LRP8: variants seen among roughly 807,000 people sequenced by gnomAD.
LRP8 encodes low-density lipoprotein receptor-related protein 8.
A neutral mutation model predicts 111.6 loss-of-function variants in LRP8; 46 were observed. That is an observed-to-expected ratio of 0.41 (90% confidence interval 0.33 to 0.53). The LOEUF (loss-of-function observed/expected upper bound fraction) is 0.53, where lower values mean the gene tolerates loss of function less well. Ranked by LOEUF, LRP8 falls within the 20% of genes least tolerant of loss-of-function variation. LRP8 has a pLI of 0.20. For synonymous variants in LRP8, 464 were observed against 511.2 expected (o/e 0.91, Z 1.24); for missense variants, 959 against 1,297.4 (o/e 0.74, Z 4.01).
rs113759488 is a variant in LRP8, at chr1:53,327,780, T to C, written c.124+9A>G. ...GAGCAGAGCCGAGTCAGAGACCGGC[T>C]GCACGCACCTTGGCCGCCGAGCAGC... On this transcript the variant is annotated intron_variant, in intron 1 of 18. Transcript: ENST00000306052. 0.014 allele frequency: 21,618 copies of C among 1,508,642 alleles called. 648 individuals are homozygous for C. Among genetic ancestry groups the C allele is most frequent in the African/African-American group, 0.1 (7,236 of 70,134 alleles). The allele number at this position is 1,508,642 out of a possible 1,614,324, so 93.5% of individuals were successfully genotyped here. A position where few individuals can be genotyped will look rare whatever the true frequency, so the allele number is the denominator to read the frequency against.
At chr1:53,259,699 A>G (rs368505132) in intron 13 of LRP8, among the ~76,000 whole-genome samples, 61 of 152,118 alleles carry the variant, frequency 4.0e-4, no homozygotes, top group Middle Eastern at 6.8e-3. Flanking sequence ...CTCCTGCCTC[A>G]GCCTCTCAGT....
At chr1:53,263,372 G>A (rs957493961) in intron 10 of LRP8, among the ~76,000 whole-genome samples, 7 of 152,210 alleles carry the variant, frequency 4.6e-5, no homozygotes, top group African/African-American at 1.7e-4. Context: ...GCCCTTGCTC[G>A]AAGAAGAGGG....
intron 14 of LRP8, 27 bp from the exon 15 acceptor site, chr1:53,257,491 CTTGGACAGATAATT>C: frequency 6.3e-7 from 1 of 1,579,282 alleles, no homozygotes; most frequent in Non-Finnish European, 8.7e-7. Flanking sequence ...ATGGAGGTCA[CTTGGACAGATAATT>C]TTGTTGCCTA....
At position 53,264,268 on chromosome 1, in the gene LRP8, T is replaced by C; in HGVS notation, c.1556A>G (p.Lys519Arg). The C allele has an allele frequency of 6.2e-7, 1 of 1,614,208 alleles. No individual in the cohort carries two copies. The highest frequency in any genetic ancestry group is 8.5e-7 in the Non-Finnish European group (1 of 1,180,020). The change falls in exon 10 of 19, where the codon AAG becomes AGG. Residue 519 changes from lysine to arginine, a missense_variant. By Grantham distance (26) the Lys-to-Arg change is conservative. Transcript: ENST00000306052. ...ATCAACTGTGGCCACTGAGATGGTC[T>C]TATTGCCCGAGTCAGTCCAGTAGAT... is the stretch of plus-strand genomic sequence containing the variant. ...KHIYWTDSGN[K>R]TISVATVDGG...
chr1:53,289,406 G>T, intron 3 of LRP8, 161 bp downstream of exon 3: 17 of 1,012,474 alleles, frequency 1.7e-5, no homozygotes, highest in Non-Finnish European at 2.3e-5. Context: ...AAACAGGTCA[G>T]TAGAAACCAG....
intron 18 of LRP8, among the ~76,000 whole-genome samples, chr1:53,247,337 T>C (rs1645758128): frequency 6.6e-6 from 1 of 152,204 alleles, no homozygotes; most frequent in Admixed American, 6.5e-5. Flanking sequence ...TCATTCTGTT[T>C]TGTATCTTTG....
rs113916416 is a variant in LRP8 at position 53,279,055 on chromosome 1, C to T, written c.496+1532G>A. 1.5e-3 allele frequency among the ~76,000 whole-genome samples: 230 copies of T among 151,976 alleles called. 1 individual carries two copies. Among genetic ancestry groups the T allele is most frequent in the African/African-American group, 5.2e-3 (215 of 41,428 alleles). ...ATTACAGGCATGAGCCACCGCGCCC[C>T]GCCTTAATTTTTAATTTTACTTGAA... is the stretch of plus-strand genomic sequence containing the variant. On this transcript the variant is annotated intron_variant, in intron 4 of 18. Transcript: ENST00000306052. The surrounding 1 kb of genome is among the most constrained non-coding windows in gnomAD (Gnocchi z 4.4).
intron 9 of LRP8, among the ~76,000 whole-genome samples, chr1:53,264,814 G>C (rs1295107250): frequency 6.6e-6 from 1 of 152,172 alleles, no homozygotes; most frequent in African/African-American, 2.4e-5. Context: ...AAAGGCTTGT[G>C]CAAATGGCCA....
At position 53,257,252 on chromosome 1, in the gene LRP8, G is replaced by T. The variant is rs1468458936; in HGVS notation, c.2422C>A (p.His808Asn). Reference protein sequence around the residue: ...PSTLSPATSNHSQHYANEDSK... With the variant: ...PSTLSPATSNNSQHYANEDSK... ...CTCATTTCCTTACAGTGCTGGGAGT[G>T]GTTGCTGGTTGCAGGGCTTAGGGTA... The change falls in exon 15 of 19, where the codon CAC (histidine) becomes AAC (asparagine). Residue 808 changes from histidine to asparagine, a missense_variant. By Grantham distance (68) the His-to-Asn change is moderately conservative. Around this residue, in one of 3 missense-constraint regions of LRP8, gnomAD observed 819 missense variants for 1,097.6 expected, o/e 0.75. Coordinates refer to ENST00000306052, the MANE Select transcript of LRP8 (RefSeq NM_004631.5). 1.2e-6 allele frequency: 2 copies of T among 1,613,964 alleles called. No homozygotes were observed. Among genetic ancestry groups the T allele is most frequent in the African/African-American group, 2.7e-5 (2 of 74,908 alleles).
At chr1:53,298,983 G>A (rs140796752) in intron 2 of LRP8, among the ~76,000 whole-genome samples, 262 of 152,244 alleles carry the variant, frequency 1.7e-3, no homozygotes, top group African/African-American at 6.0e-3. Flanking sequence ...CTGGGCTCTC[G>A]GCCCCCACTA....
At chr1:53,299,161 T>C (rs550370698) in intron 2 of LRP8, among the ~76,000 whole-genome samples, 2 of 151,892 alleles carry the variant, frequency 1.3e-5, no homozygotes, top group South Asian at 2.1e-4. Flanking sequence ...AGTGATGACC[T>C]CTGCCTGTGT....
At chr1:53,297,262 G>A (rs1649909925) in intron 2 of LRP8, among the ~76,000 whole-genome samples, 1 of 152,184 alleles carries the variant, frequency 6.6e-6, no homozygotes, top group African/African-American at 2.4e-5. Flanking sequence ...GACAGCTACC[G>A]CCAGAGTCGG....
At chr1:53,251,350 T>G (rs920516589) in intron 16 of LRP8, among the ~76,000 whole-genome samples, 2 of 151,944 alleles carry the variant, frequency 1.3e-5, no homozygotes, top group African/African-American at 4.8e-5. Flanking sequence ...CTCCCAAAAC[T>G]GGGGGGTGGA....
At chr1:53,278,434 G>C (rs1051795042) in intron 4 of LRP8, among the ~76,000 whole-genome samples, 13 of 152,338 alleles carry the variant, frequency 8.5e-5, no homozygotes, top group East Asian at 1.9e-4. Flanking sequence ...CAGAGTCTGT[G>C]TTTTCACTTT....
intron 12 of LRP8, 82 bp from the exon 13 acceptor site, chr1:53,260,687 G>T: frequency 6.9e-7 from 1 of 1,438,946 alleles, no homozygotes; most frequent in Non-Finnish European, 9.6e-7. Context: ...CCAAACCATA[G>T]TCACAAGAAC....
At chr1:53,259,089 A>G in intron 13 of LRP8, among the ~76,000 whole-genome samples, 1 of 152,132 alleles carries the variant, frequency 6.6e-6, no homozygotes, top group East Asian at 1.9e-4. Context: ...TGCAATTGTG[A>G]AGCCCTTCTA....
Position 53,271,330 on chromosome 1 carries a change from C to G in LRP8, c.1023G>C (p.Leu341=). Residue 341 remains leucine, a synonymous_variant, in exon 7 of 19, where the codon CTG becomes CTC. Coordinates refer to ENST00000306052, the MANE Select transcript of LRP8 (RefSeq NM_004631.5). The stretch of plus-strand genomic sequence containing the variant: ...TGTGTGAGCAGCCGCCATTGTTGTG[C>G]AGACACTCGTTCAGCCCTGGGGAGG... ...AGCLQGLNEC[L]HNNGGCSHIC... 5.0e-6 allele frequency: 8 copies of G among 1,614,048 alleles called. No homozygotes were observed. The highest frequency in any genetic ancestry group is 6.8e-6 in the Non-Finnish European group (8 of 1,180,020).
At chr1:53,277,223 G>C (rs1329070199) in intron 4 of LRP8, 145 bp from the exon 5 acceptor site, 1 of 1,248,736 alleles carries the variant, frequency 8.0e-7, no homozygotes, top group African/African-American at 1.6e-5. Flanking sequence ...CGTGCAGTTA[G>C]GCATAGCGAA....
intron 13 of LRP8, among the ~76,000 whole-genome samples, chr1:53,259,156 A>C (rs1055885606): frequency 6.6e-6 from 1 of 152,170 alleles, no homozygotes; most frequent in Non-Finnish European, 1.5e-5. Flanking sequence ...TCTGTTGCCT[A>C]GACTAAGTGC....
Sources: allele counts gnomAD v4.1 joint callset (sites outside exome capture counted in the v4.1 genomes callset), GRCh38; gene constraint gnomAD v4.1.1; regional missense constraint gnomAD v4.1.1; non-coding constraint Gnocchi (gnomAD v3.1); transcripts MANE v1.5; gene names NCBI Gene and HGNC (gene_info 2026-07-23, HGNC 2026-07-21).